CSMD1: variants seen among roughly 807,000 people sequenced by gnomAD.
The protein encoded by CSMD1 is CUB and sushi domain-containing protein 1.
In CSMD1, 213 loss-of-function variants were observed where a neutral mutation model predicts 417.5. The ratio of observed to expected loss-of-function variants is 0.51; its 90% confidence interval spans 0.46 to 0.57. The LOEUF is 0.57. Ranked by LOEUF, CSMD1 falls within the 20% of genes least tolerant of loss-of-function variation. The probability of loss-of-function intolerance (pLI) is 0.00; values close to 1 mark genes in which losing one functional copy is unlikely to be tolerated. For missense variants in CSMD1, 6,923 were observed against 4,529.7 expected (o/e 1.53, Z -15.17); for synonymous variants, 2,862 against 1,736.8 (o/e 1.65, Z -16.11).
intron 6 of CSMD1, among the ~76,000 whole-genome samples, chr8:3,730,030 C>A (rs2623692): frequency 4.3e-5 from 5 of 117,046 alleles, no homozygotes; most frequent in Non-Finnish European, 8.5e-5. Context: ...TTGGTCGAAG[C>A]GCTGCAAGTG....
At chr8:3,080,707 T>A (rs927571070) in intron 49 of CSMD1, among the ~76,000 whole-genome samples, 1 of 152,168 alleles carries the variant, frequency 6.6e-6, no homozygotes, top group African/African-American at 2.4e-5. Context: ...TTGGCATGCA[T>A]GTAATATCTG....
At chr8:4,296,423 G>C (rs554505089) in intron 3 of CSMD1, among the ~76,000 whole-genome samples, 36 of 152,236 alleles carry the variant, frequency 2.4e-4, no homozygotes, top group African/African-American at 8.2e-4. Flanking sequence ...TATCACAAGA[G>C]TGTGAGATAG....
At chr8:3,893,507 T>C (rs1177863289) in intron 5 of CSMD1, among the ~76,000 whole-genome samples, 1 of 151,852 alleles carries the variant, frequency 6.6e-6, no homozygotes, top group East Asian at 1.9e-4. Flanking sequence ...ATTACAATTT[T>C]TGTTTTACAA....
intron 1 of CSMD1, among the ~76,000 whole-genome samples, chr8:4,798,870 T>G (rs961656323): frequency 3.9e-5 from 6 of 152,300 alleles, no homozygotes; most frequent in African/African-American, 1.2e-4. Flanking sequence ...ATGCCATAAA[T>G]AAATGAAAAG....
chr8:3,312,250 C>G (rs909568194), intron 23 of CSMD1, among the ~76,000 whole-genome samples: 3 of 152,168 alleles, frequency 2.0e-5, no homozygotes, highest in African/African-American at 7.2e-5. Context: ...TACACCTTGT[C>G]ATACAGAAGA....
At chr8:3,334,434 T>C (rs1218700191) in intron 23 of CSMD1, among the ~76,000 whole-genome samples, 1 of 152,186 alleles carries the variant, frequency 6.6e-6, no homozygotes, top group Non-Finnish European at 1.5e-5. Flanking sequence ...TCATTTATAG[T>C]AGTATGTTTA....
intron 7 of CSMD1, among the ~76,000 whole-genome samples, chr8:3,673,698 G>C (rs1037851823): frequency 1.3e-5 from 2 of 152,120 alleles, no homozygotes; most frequent in Non-Finnish European, 2.9e-5. Flanking sequence ...CAATCAGCTG[G>C]CTTGCTGCAT....
At chr8:4,325,145 A>C (rs1246095680) in intron 3 of CSMD1, among the ~76,000 whole-genome samples, 1 of 152,180 alleles carries the variant, frequency 6.6e-6, no homozygotes, top group Admixed American at 6.5e-5. Flanking sequence ...GAATGCTGAC[A>C]AGACACAGGG....
intron 50 of CSMD1, among the ~76,000 whole-genome samples, chr8:3,036,725 A>T (rs1216243759): frequency 6.6e-6 from 1 of 152,160 alleles, no homozygotes; most frequent in Admixed American, 6.5e-5. Flanking sequence ...AGACCTTTTA[A>T]ATGTGTTTCA....
intron 2 of CSMD1, among the ~76,000 whole-genome samples, chr8:4,473,583 C>G (rs1398137693): frequency 2.6e-5 from 4 of 152,158 alleles, no homozygotes; most frequent in Non-Finnish European, 5.9e-5. Flanking sequence ...TAGTTATGCA[C>G]AAATACGGAC....
chr8:3,901,148 G>C (rs1807723047), intron 5 of CSMD1, among the ~76,000 whole-genome samples: 1 of 152,166 alleles, frequency 6.6e-6, no homozygotes. Flanking sequence ...TGATAACCGT[G>C]GAGAAATAGT....
At chr8:3,376,772 T>A (rs1406161142) in intron 18 of CSMD1, among the ~76,000 whole-genome samples, 2 of 138,674 alleles carry the variant, frequency 1.4e-5, no homozygotes, top group South Asian at 2.3e-4. Flanking sequence ...GTGTTTCATG[T>A]TGATATACAA....
chr8:4,800,878 C>G (rs1043000643), intron 1 of CSMD1, among the ~76,000 whole-genome samples: 1 of 152,194 alleles, frequency 6.6e-6, no homozygotes, highest in African/African-American at 2.4e-5. Flanking sequence ...TTCCCTTTCA[C>G]ACATGGAACT....
intron 3 of CSMD1, among the ~76,000 whole-genome samples, chr8:4,097,328 C>G (rs919574705): frequency 6.6e-6 from 1 of 152,122 alleles, no homozygotes; most frequent in Non-Finnish European, 1.5e-5. Context: ...TTTAATTTGC[C>G]TCAGTTGACA....
chr8:4,648,502 C>A (rs1311205023), intron 1 of CSMD1, among the ~76,000 whole-genome samples: 1 of 152,144 alleles, frequency 6.6e-6, no homozygotes, highest in African/African-American at 2.4e-5. Flanking sequence ...AACACACACA[C>A]ACATGCCTGC....
chr8:4,182,486 T>G (rs1798434044), intron 3 of CSMD1, among the ~76,000 whole-genome samples: 1 of 152,164 alleles, frequency 6.6e-6, no homozygotes, highest in Non-Finnish European at 1.5e-5. Context: ...TCAAATAAGA[T>G]ACGTCACATT....
At chr8:4,512,995 T>A (rs149100393) in intron 2 of CSMD1, among the ~76,000 whole-genome samples, 31 of 152,164 alleles carry the variant, frequency 2.0e-4, no homozygotes, top group African/African-American at 7.0e-4. Flanking sequence ...TGCCAGGAGT[T>A]GAGGGAGAGA....
intron 1 of CSMD1, among the ~76,000 whole-genome samples, chr8:4,878,393 C>T (rs138534103): frequency 1.4e-4 from 22 of 152,024 alleles, no homozygotes; most frequent in African/African-American, 4.8e-4. Flanking sequence ...TTAAATATAG[C>T]TTTCATTTTG....
intron 3 of CSMD1, among the ~76,000 whole-genome samples, chr8:4,083,931 C>T (rs1367675351): frequency 6.6e-6 from 1 of 152,096 alleles, no homozygotes; most frequent in Non-Finnish European, 1.5e-5. Context: ...AAAACTTTCG[C>T]AACCTACTCA....
Sources: gnomAD v4.1 joint callset for allele counts (sites outside exome capture counted in the v4.1 genomes callset) on GRCh38, gnomAD v4.1.1 for gene constraint, MANE v1.5 for transcripts, NCBI Gene and HGNC (gene_info 2026-07-23, HGNC 2026-07-21) for gene names.